Variants in CNBD1 observed in about 807,000 individuals in gnomAD.
CNBD1 encodes cyclic nucleotide binding domain containing 1.
CNBD1 carries 71 observed loss-of-function variants against 54.4 expected under a neutral mutation model. The ratio of observed to expected loss-of-function variants is 1.30; its 90% CI spans 1.08 to 1.59. The LOEUF is 1.59. Ranked by LOEUF, CNBD1 falls within the 40% of genes most tolerant of loss-of-function variation. CNBD1 has a pLI of 0.00. For synonymous variants in CNBD1, 182 were observed against 170.7 expected (o/e 1.07, Z -0.51); for missense variants, 659 against 518.0 (o/e 1.27, Z -2.64).
chr8:87,179,780 C>A (rs546096834), intron 4 of CNBD1, among the ~76,000 whole-genome samples: 2 of 152,052 alleles, frequency 1.3e-5, no homozygotes, highest in East Asian at 3.9e-4. Context: ...TGTCTACATA[C>A]AAGATAATCA....
chr8:87,326,633 G>A (rs1480445628), intron 8 of CNBD1, among the ~76,000 whole-genome samples: 1 of 112,014 alleles, frequency 8.9e-6, no homozygotes, highest in Non-Finnish European at 2.0e-5. Flanking sequence ...CGTAGTTCTC[G>A]AGCCTTGGTT....
chr8:87,382,355 A>T (rs1040766144), intron 10 of CNBD1, among the ~76,000 whole-genome samples: 2 of 151,964 alleles, frequency 1.3e-5, no homozygotes, highest in African/African-American at 2.4e-5. Context: ...CAGAAAACAT[A>T]ATTTGGTTAG....
chr8:87,223,924 G>C (rs959169036), intron 5 of CNBD1, among the ~76,000 whole-genome samples: 104 of 152,246 alleles, frequency 6.8e-4, no homozygotes, highest in African/African-American at 2.4e-3. Flanking sequence ...ACTTTTTAAT[G>C]ATCGCCATTC....
Position 86,980,659 on chromosome 8 carries a change from A to G in CNBD1, c.431+40905A>G, listed in dbSNP as rs539133628. The stretch of plus-strand genomic sequence containing the variant: ...CACTTTGCCGTGTTTTAGGAAGCAA[A>G]TTATTTGCTGTACTGGTATTAAGGG... On this transcript the variant is annotated intron_variant, in intron 4 of 10. Coordinates refer to ENST00000518476, the MANE Select transcript of CNBD1 (RefSeq NM_173538.3). Among the ~76,000 whole-genome samples, 5 of 152,294 alleles carry G rather than the reference A, an allele frequency of 3.3e-5. No homozygotes were observed. In the East Asian group the frequency reaches 9.6e-4, roughly 29 times the overall value.
chr8:87,125,278 A>C (rs1811968564), intron 4 of CNBD1, among the ~76,000 whole-genome samples: 1 of 151,742 alleles, frequency 6.6e-6, no homozygotes, highest in Admixed American at 6.6e-5. Flanking sequence ...CACAGTAATA[A>C]AAAAATCAAT....
intron 4 of CNBD1, among the ~76,000 whole-genome samples, chr8:87,124,838 G>A (rs1457549392): frequency 4.6e-5 from 7 of 151,648 alleles, no homozygotes; most frequent in Non-Finnish European, 1.0e-4. Flanking sequence ...AAGCATCCGA[G>A]TAGGGAAGAA....
At chr8:87,256,154 C>G (rs766472950) in intron 6 of CNBD1, among the ~76,000 whole-genome samples, 1 of 149,094 alleles carries the variant, frequency 6.7e-6, no homozygotes, top group Non-Finnish European at 1.5e-5. Context: ...TCCCCAGTGG[C>G]TGGGATTACA....
chr8:87,195,057 A>G (rs557850561), intron 4 of CNBD1, among the ~76,000 whole-genome samples: 24 of 151,284 alleles, frequency 1.6e-4, no homozygotes, highest in Admixed American at 5.9e-4. Context: ...CTAATTTTTT[A>G]TATTTTTAGT....
chr8:86,872,248 C>G (rs1014126334), intron 1 of CNBD1, among the ~76,000 whole-genome samples: 2 of 152,170 alleles, frequency 1.3e-5, no homozygotes, highest in African/African-American at 4.8e-5. Flanking sequence ...GTTTGGGGTT[C>G]CCTTTGCTCT....
At chr8:87,161,313 A>C (rs1812852968) in intron 4 of CNBD1, among the ~76,000 whole-genome samples, 2 of 152,150 alleles carry the variant, frequency 1.3e-5, no homozygotes, top group Admixed American at 6.6e-5. Context: ...CATTTAGTGG[A>C]ATGGCAAGAA....
intron 4 of CNBD1, among the ~76,000 whole-genome samples, chr8:86,962,358 A>G (rs1269597791): frequency 1.3e-5 from 2 of 152,234 alleles, no homozygotes; most frequent in East Asian, 3.9e-4. Flanking sequence ...ACTTTTAACT[A>G]TAGCACCCCT....
chr8:87,428,227 G>C lies in CNBD1; in HGVS notation c.214-319G>C, dbSNP rs534172946. Among the ~76,000 whole-genome samples, 3 of 152,092 alleles carry C rather than the reference G, an allele frequency of 2.0e-5. No individual in the cohort carries two copies. The East Asian group carries it at 5.8e-4, about 29-fold the overall frequency. On this transcript the variant is annotated intron_variant, in intron 2 of 7. Transcript: ENST00000521593. ...TGTTTCAGCCTCTGTCATGGAAAGT[G>C]AATCTGCCAGCGGATAAATGAATGG...
intron 6 of CNBD1, 196 bp downstream of exon 6, chr8:87,237,308 C>T (rs1449535141): frequency 2.6e-6 from 1 of 388,498 alleles, no homozygotes; most frequent in Non-Finnish European, 4.6e-6. Flanking sequence ...CCTTCAACAG[C>T]ATCTGACCAC....
intron 4 of CNBD1, among the ~76,000 whole-genome samples, chr8:86,959,005 T>G (rs1807856944): frequency 6.6e-6 from 1 of 152,230 alleles, no homozygotes; most frequent in Admixed American, 6.5e-5. Flanking sequence ...CTTTTCCATG[T>G]TTAGTTCTTC....
chr8:87,038,706 A>G (rs1423172340), intron 4 of CNBD1, among the ~76,000 whole-genome samples: 1 of 152,214 alleles, frequency 6.6e-6, no homozygotes, highest in Non-Finnish European at 1.5e-5. Context: ...GTTTTGAGGA[A>G]GGGCTATTAT....
intron 1 of CNBD1, among the ~76,000 whole-genome samples, chr8:86,885,786 A>G (rs1808673266): frequency 6.6e-6 from 1 of 152,216 alleles, no homozygotes; most frequent in African/African-American, 2.4e-5. Context: ...GTGTTCTTCT[A>G]CTAGGCTGTG....
At chr8:87,413,867 AAAC>A (rs1288193930) in intron 2 of CNBD1, among the ~76,000 whole-genome samples, 1 of 150,958 alleles carries the variant, frequency 6.6e-6, no homozygotes, top group Non-Finnish European at 1.5e-5. Flanking sequence ...AAAAGTCAGG[AAAC>A]AACAGGTGCT....
At chr8:87,081,852 ATGT>A (rs1313876641) in intron 4 of CNBD1, among the ~76,000 whole-genome samples, 1 of 152,066 alleles carries the variant, frequency 6.6e-6, no homozygotes, top group Non-Finnish European at 1.5e-5. Flanking sequence ...TAGGCTGATA[ATGT>A]TGTTCAGGTG....
intron 2 of CNBD1, among the ~76,000 whole-genome samples, chr8:87,402,798 C>A (rs1352849679): frequency 6.6e-6 from 1 of 151,918 alleles, no homozygotes; most frequent in Non-Finnish European, 1.5e-5. Context: ...TGGAGTAGAA[C>A]AAAATGTGAA....
Sources: allele counts gnomAD v4.1 joint callset (sites outside exome capture counted in the v4.1 genomes callset), GRCh38; gene constraint gnomAD v4.1.1; transcripts MANE v1.5; gene names NCBI Gene and HGNC (gene_info 2026-07-23, HGNC 2026-07-21).